Variants in MYT1L observed in about 807,000 individuals in gnomAD.
MYT1L encodes myelin transcription factor 1-like protein.
MYT1L carries 12 observed loss-of-function variants against 126.7 expected under a neutral mutation model. The ratio of observed to expected loss-of-function variants is 0.09; its 90% confidence interval spans 0.06 to 0.15. The LOEUF (loss-of-function observed/expected upper bound fraction) is 0.15. Among genes scored for constraint, MYT1L ranks in the 10% least tolerant of loss-of-function variants. MYT1L has a pLI of 1.00. For missense variants in MYT1L, 979 were observed against 1,585.2 expected, an observed-to-expected ratio of 0.62 and a Z score of 6.49; for synonymous variants, 541 against 604.2, an observed-to-expected ratio of 0.90 and a Z score of 1.53.
intron 1 of MYT1L, among the ~76,000 whole-genome samples, chr2:2,291,971 C>T (rs1483189041): frequency 6.6e-6 from 1 of 152,242 alleles, no homozygotes; most frequent in Non-Finnish European, 1.5e-5. Context: ...AGGTGCAGGG[C>T]GGGGCGGGTG....
chr2:1,864,955 T>C (rs887422131), intron 18 of MYT1L, among the ~76,000 whole-genome samples: 5 of 152,172 alleles, frequency 3.3e-5, no homozygotes, highest in African/African-American at 1.2e-4. Flanking sequence ...TGTGCCCGAT[T>C]GCTGAGCTTC....
At chr2:2,098,804 T>G (rs189550342) in intron 3 of MYT1L, among the ~76,000 whole-genome samples, 2 of 152,378 alleles carry the variant, frequency 1.3e-5, no homozygotes, top group Admixed American at 1.3e-4. Flanking sequence ...AAACAGGGTC[T>G]GTAAACCATT....
At chr2:2,020,730 G>A (rs1321044132) in intron 4 of MYT1L, among the ~76,000 whole-genome samples, 1 of 152,108 alleles carries the variant, frequency 6.6e-6, no homozygotes, top group African/African-American at 2.4e-5. Context: ...TCAGTCTTTT[G>A]TAATGTCTAC....
At chr2:2,296,809 A>G (rs1271744999) in intron 1 of MYT1L, among the ~76,000 whole-genome samples, 1 of 152,220 alleles carries the variant, frequency 6.6e-6, no homozygotes. Context: ...CGTCAGGAGT[A>G]AGCCTTGCCT....
chr2:2,105,432 T>C (rs2078634840), intron 3 of MYT1L, among the ~76,000 whole-genome samples: 2 of 152,244 alleles, frequency 1.3e-5, no homozygotes, highest in Non-Finnish European at 2.9e-5. Context: ...GCCCCCTCTT[T>C]TATTATTGTG....
intron 19 of MYT1L, among the ~76,000 whole-genome samples, chr2:1,847,499 A>G (rs1268461024): frequency 6.6e-6 from 1 of 152,096 alleles, no homozygotes; most frequent in Non-Finnish European, 1.5e-5. Flanking sequence ...GAGAATGAGG[A>G]GCACCCCTGG....
intron 1 of MYT1L, chr2:2,324,012 A>T (rs976620371): frequency 2.6e-5 from 4 of 152,194 alleles, no homozygotes; most frequent in African/African-American, 4.8e-5. Context: ...GTTAATTTCC[A>T]CTTCAGGCAC....
At chr2:1,936,309 A>G (rs2055876336) in intron 9 of MYT1L, among the ~76,000 whole-genome samples, 1 of 152,270 alleles carries the variant, frequency 6.6e-6, no homozygotes. Context: ...TATGAAAAAT[A>G]GGATAAATTA....
chr2:2,185,928 C>T (rs1158083684), intron 2 of MYT1L, among the ~76,000 whole-genome samples: 2 of 123,402 alleles, frequency 1.6e-5, no homozygotes, highest in Admixed American at 1.6e-4. Context: ...GTCCCGCGTT[C>T]CTTCTGTGAG....
intron 2 of MYT1L, among the ~76,000 whole-genome samples, chr2:2,257,383 T>G (rs1460406080): frequency 6.6e-6 from 1 of 152,200 alleles, no homozygotes; most frequent in Admixed American, 6.5e-5. Context: ...CATAAGGACC[T>G]TGAAAGATCC....
intron 3 of MYT1L, among the ~76,000 whole-genome samples, chr2:2,168,191 G>A (rs935908953): frequency 1.6e-4 from 25 of 152,140 alleles, no homozygotes; most frequent in African/African-American, 5.8e-4. Flanking sequence ...GGCTCAACAG[G>A]AGGAGGAAGC....
At chr2:1,835,033 T>TACTCCTCCACATACCAC (rs2040689280) in intron 21 of MYT1L, among the ~76,000 whole-genome samples, 1 of 124,254 alleles carries the variant, frequency 8.0e-6, no homozygotes, top group Non-Finnish European at 1.6e-5. Flanking sequence ...TGGATACAGG[T>TACTCCTCCACATACCAC]GCTCCTCCAC....
chr2:2,330,560 G>C (rs778426981), intron 1 of MYT1L, among the ~76,000 whole-genome samples: 1 of 152,048 alleles, frequency 6.6e-6, no homozygotes, highest in Non-Finnish European at 1.5e-5. Flanking sequence ...CTTACCATCA[G>C]GTAAATTCAT....
intron 3 of MYT1L, among the ~76,000 whole-genome samples, chr2:2,133,992 T>C (rs1380287515): frequency 6.6e-6 from 1 of 152,214 alleles, no homozygotes; most frequent in Non-Finnish European, 1.5e-5. Flanking sequence ...TGCCACTTGA[T>C]CCCCCAGCCA....
chr2:2,157,692 C>T (rs1339267179), intron 3 of MYT1L, among the ~76,000 whole-genome samples: 1 of 152,174 alleles, frequency 6.6e-6, no homozygotes, highest in Non-Finnish European at 1.5e-5. Context: ...GCCATTGTTT[C>T]CCTTCCTATG....
At chr2:1,890,871 A>C (rs540895690) in intron 15 of MYT1L, among the ~76,000 whole-genome samples, 10 of 151,612 alleles carry the variant, frequency 6.6e-5, no homozygotes, top group South Asian at 4.2e-4. Flanking sequence ...TTCTGCCTGA[A>C]CTCTCTTTGT....
In MYT1L at chr2:1,852,771, G is replaced by T. The variant is rs2043441835; in HGVS notation, c.2712-1068C>A. On this transcript the variant is annotated intron_variant, in intron 18 of 24. Transcript: ENST00000647738. This position sits in a 1 kb window ranked among gnomAD's most constrained non-coding sequence, Gnocchi z 4.0. ...ATTACACCTAGTAGGAAGCATCAAA[G>T]CATACTCCATGCCCCTTCCCACCTC... Among the ~76,000 whole-genome samples the T allele has an allele frequency of 6.6e-6, 1 of 152,164 alleles. No individual in the cohort carries two copies. The highest frequency in any genetic ancestry group is 1.5e-5 in the Non-Finnish European group (1 of 68,040).
chr2:1,936,842 C>T (rs2055957279), intron 9 of MYT1L, among the ~76,000 whole-genome samples: 1 of 152,170 alleles, frequency 6.6e-6, no homozygotes, highest in Admixed American at 6.5e-5. Flanking sequence ...CCTGTGAAAA[C>T]TCAAGCCTAT....
At chr2:2,200,287 A>G (rs1464242899) in intron 2 of MYT1L, among the ~76,000 whole-genome samples, 2 of 152,190 alleles carry the variant, frequency 1.3e-5, no homozygotes, top group Non-Finnish European at 2.9e-5. Context: ...TAGCTTAATG[A>G]TTGAAAATGG....
Sources: allele counts gnomAD v4.1 joint callset (sites outside exome capture counted in the v4.1 genomes callset), GRCh38; gene constraint gnomAD v4.1.1; non-coding constraint Gnocchi (gnomAD v3.1); transcripts MANE v1.5; gene names NCBI Gene and HGNC (gene_info 2026-07-23, HGNC 2026-07-21).